The following NRXN3 variants were observed in gnomAD, a reference collection of about 807,000 sequenced individuals.
NRXN3 encodes neurexin III.
NRXN3 carries 32 observed loss-of-function variants against 137.6 expected under a neutral mutation model. That is an observed-to-expected ratio of 0.23 (90% CI 0.18 to 0.31). The LOEUF is 0.31. NRXN3 is among the 10% of genes least tolerant of loss of function. The pLI, the probability that NRXN3 is intolerant of heterozygous loss-of-function variation, is 1.00. For synonymous variants in NRXN3, 798 were observed against 784.5 expected, an observed-to-expected ratio of 1.02 and a Z score of -0.29; for missense variants, 1,574 against 2,062.5, an observed-to-expected ratio of 0.76 and a Z score of 4.59.
At chr14:78,593,153 T>C (rs2097131217) in intron 4 of NRXN3, among the ~76,000 whole-genome samples, 1 of 152,200 alleles carries the variant, frequency 6.6e-6, no homozygotes, top group Non-Finnish European at 1.5e-5. Context: ...GAGCCATTAT[T>C]GCTGCTGGAT....
intron 8 of NRXN3, among the ~76,000 whole-genome samples, chr14:78,722,938 G>GA: frequency 6.6e-6 from 1 of 151,994 alleles, no homozygotes; most frequent in Non-Finnish European, 1.5e-5. Flanking sequence ...CCAGGCAGGG[G>GA]AAAAAAAATT....
At chr14:79,538,506 A>T (rs929153344) in intron 16 of NRXN3, among the ~76,000 whole-genome samples, 2 of 152,182 alleles carry the variant, frequency 1.3e-5, no homozygotes, top group African/African-American at 4.8e-5. Context: ...ATCCAGTTTC[A>T]GCTTTCTACA....
intron 15 of NRXN3, among the ~76,000 whole-genome samples, chr14:79,317,647 T>C (rs1181036925): frequency 6.6e-6 from 1 of 152,148 alleles, no homozygotes; most frequent in Non-Finnish European, 1.5e-5. Context: ...GGCAACCGAA[T>C]TGTATTGTTC....
At chr14:78,895,752 T>G (rs963889457) in intron 10 of NRXN3, among the ~76,000 whole-genome samples, 1 of 152,018 alleles carries the variant, frequency 6.6e-6, no homozygotes, top group Admixed American at 6.6e-5. Flanking sequence ...ATTTGAATAC[T>G]TAGGCCTTTG....
chr14:78,194,230 G>C (rs2061021547), intron 1 of NRXN3, among the ~76,000 whole-genome samples: 1 of 152,246 alleles, frequency 6.6e-6, no homozygotes, highest in African/African-American at 2.4e-5. Context: ...AGGCAACGTG[G>C]TGTTTGAGAG....
At chr14:79,247,430 T>TCCCCACTTCACAAGTCCACTTTC (rs2075340996) in intron 15 of NRXN3, 1 of 152,146 alleles carries the variant, frequency 6.6e-6, no homozygotes, top group African/African-American at 2.4e-5. Flanking sequence ...TCTGTTCATG[T>TCCCCACTTCACAAGTCCACTTTC]CCCCACTTCA....
intron 4 of NRXN3, among the ~76,000 whole-genome samples, chr14:78,302,453 A>G (rs1523131): frequency 0.82 from 125,289 of 152,096 alleles, 52,205 homozygotes; most frequent in African/African-American, 0.96. Context: ...AACATAAGCC[A>G]ATGACTACTA....
intron 8 of NRXN3, among the ~76,000 whole-genome samples, chr14:78,771,104 A>G (rs965578684): frequency 9.9e-5 from 15 of 152,170 alleles, no homozygotes; most frequent in African/African-American, 3.6e-4. Context: ...CCACGTTGCT[A>G]ATTGTGCAGA....
At chr14:78,575,950 G>A (rs779939270) in intron 4 of NRXN3, among the ~76,000 whole-genome samples, 1 of 152,162 alleles carries the variant, frequency 6.6e-6, no homozygotes, top group African/African-American at 2.4e-5. Context: ...TAAAGTGGAA[G>A]GAAAGCAAAT....
intron 4 of NRXN3, among the ~76,000 whole-genome samples, chr14:78,447,223 C>T (rs2094442062): frequency 1.3e-5 from 2 of 152,226 alleles, no homozygotes; most frequent in Admixed American, 1.3e-4. Flanking sequence ...TTCTGTCATT[C>T]ATATTTCAGA....
At chr14:79,172,245 C>T (rs1350228657) in intron 15 of NRXN3, among the ~76,000 whole-genome samples, 4 of 151,288 alleles carry the variant, frequency 2.6e-5, no homozygotes. Context: ...GAATCATGGC[C>T]ATAATACTTA....
At chr14:79,401,884 T>A (rs1417993630) in intron 15 of NRXN3, among the ~76,000 whole-genome samples, 1 of 152,052 alleles carries the variant, frequency 6.6e-6, no homozygotes, top group Non-Finnish European at 1.5e-5. Flanking sequence ...TTGTTACTCT[T>A]GTAATAATCA....
At chr14:78,196,358 A>G (rs1431720378) in intron 1 of NRXN3, among the ~76,000 whole-genome samples, 2 of 152,236 alleles carry the variant, frequency 1.3e-5, no homozygotes, top group Admixed American at 1.3e-4. Context: ...ATAGGTTAGG[A>G]ATTATGCTAA....
At chr14:79,793,371 A>C (rs970111172) in intron 19 of NRXN3, among the ~76,000 whole-genome samples, 5 of 152,160 alleles carry the variant, frequency 3.3e-5, no homozygotes, top group Non-Finnish European at 5.9e-5. Context: ...GCCGAGATCA[A>C]GCCACTGCTC....
At chr14:79,823,021 T>G (rs929623958) in intron 20 of NRXN3, among the ~76,000 whole-genome samples, 3 of 152,324 alleles carry the variant, frequency 2.0e-5, no homozygotes, top group South Asian at 2.1e-4. Flanking sequence ...GAGAGAGCTA[T>G]TTTGGAAAGC....
intron 6 of NRXN3, among the ~76,000 whole-genome samples, chr14:78,694,741 A>G (rs1226220829): frequency 2.6e-5 from 4 of 151,906 alleles, no homozygotes; most frequent in African/African-American, 9.7e-5. Context: ...GTGGATTACT[A>G]GTATTGATAC....
chr14:78,425,566 C>T (rs951918270), intron 4 of NRXN3, among the ~76,000 whole-genome samples: 2 of 152,090 alleles, frequency 1.3e-5, no homozygotes, highest in Non-Finnish European at 1.5e-5. Flanking sequence ...CCCCTCCCAC[C>T]CCTTGACTAA....
At chr14:79,512,828 C>A (rs931629499) in intron 16 of NRXN3, among the ~76,000 whole-genome samples, 5 of 152,180 alleles carry the variant, frequency 3.3e-5, no homozygotes, top group African/African-American at 1.2e-4. Context: ...TCCCACAAAT[C>A]AGCAATTGCA....
chr14:79,538,707 A>G (rs1409390396), intron 16 of NRXN3, among the ~76,000 whole-genome samples: 3 of 152,012 alleles, frequency 2.0e-5, no homozygotes, highest in Non-Finnish European at 4.4e-5. Context: ...CACTGTGATG[A>G]TAGTTTAGTT....
Sources: allele counts gnomAD v4.1 joint callset (sites outside exome capture counted in the v4.1 genomes callset), GRCh38; gene constraint gnomAD v4.1.1; transcripts MANE v1.5; gene names NCBI Gene and HGNC (gene_info 2026-07-23, HGNC 2026-07-21).